The following ULK4 variants were observed in gnomAD, a reference collection of about 807,000 sequenced individuals.
ULK4 encodes inactive serine/threonine-protein kinase ULK4.
Under a neutral mutation model 160.6 loss-of-function variants are expected in ULK4, and 133 were observed. The ratio of observed to expected loss-of-function variants is 0.83; its 90% confidence interval spans 0.72 to 0.96. The LOEUF (loss-of-function observed/expected upper bound fraction) is 0.96, where lower values mean the gene tolerates loss of function less well. Among genes scored for constraint, ULK4 ranks in the 40% least tolerant of loss-of-function variants. The pLI, the probability that ULK4 is intolerant of heterozygous loss-of-function variation, is 0.00. For synonymous variants in ULK4, 534 were observed against 539.8 expected (o/e 0.99, Z 0.15); for missense variants, 1,580 against 1,499.5 (o/e 1.05, Z -0.89).
intron 32 of ULK4, among the ~76,000 whole-genome samples, chr3:41,543,893 C>T (rs573458854): frequency 1.8e-3 from 277 of 152,242 alleles, no homozygotes; most frequent in Non-Finnish European, 2.7e-3. Context: ...ATTTCTGTCT[C>T]TTTATATTAT....
At chr3:41,553,049 T>C (rs760304732) in intron 32 of ULK4, among the ~76,000 whole-genome samples, 5 of 152,082 alleles carry the variant, frequency 3.3e-5, no homozygotes, top group Non-Finnish European at 7.4e-5. Context: ...TGGATAGTTA[T>C]ATGCAGAAGA....
intron 34 of ULK4, among the ~76,000 whole-genome samples, chr3:41,435,435 T>G (rs9810649): frequency 1.3e-5 from 2 of 151,744 alleles, no homozygotes; most frequent in African/African-American, 4.9e-5. Context: ...TAACTATATA[T>G]CTGTTTCTAG....
chr3:41,469,625 A>AAAAAAAAAAAAAAC (rs1559625851), intron 32 of ULK4, among the ~76,000 whole-genome samples: 1 of 148,530 alleles, frequency 6.7e-6, no homozygotes, highest in Non-Finnish European at 1.5e-5. Context: ...AAAAAAAAAA[A>AAAAAAAAAAAAAAC]AACACCTTAA....
chr3:41,293,601 G>A (rs151010462), intron 35 of ULK4, among the ~76,000 whole-genome samples: 71 of 152,252 alleles, frequency 4.7e-4, no homozygotes, highest in African/African-American at 1.7e-3. Context: ...GATACCCTGG[G>A]TTGAAATCCT....
At position 41,452,697 on chromosome 3, in the gene ULK4, A is replaced by G. The variant is rs1248482604; in HGVS notation, c.3492+2800T>C. Reference sequence around the variant, plus strand: ...ATTTTTGTCCATTTATGTGTTTGTCATAAATGGACAAAAAGGTTATCATCC... The same window carrying G: ...ATTTTTGTCCATTTATGTGTTTGTCGTAAATGGACAAAAAGGTTATCATCC... On this transcript the variant is annotated intron_variant, in intron 34 of 36. Coordinates refer to ENST00000301831, the MANE Select transcript of ULK4 (RefSeq NM_017886.4). 2.0e-5 allele frequency among the ~76,000 whole-genome samples: 3 copies of G among 152,176 alleles called. No individual in the cohort carries two copies. In the South Asian group the frequency reaches 6.2e-4, roughly 31 times the overall value.
intron 35 of ULK4, among the ~76,000 whole-genome samples, chr3:41,337,462 T>C (rs945640258): frequency 4.6e-5 from 7 of 151,962 alleles, no homozygotes; most frequent in African/African-American, 1.5e-4. Context: ...GACTGGTAGC[T>C]GAGGGGCACA....
intron 32 of ULK4, among the ~76,000 whole-genome samples, chr3:41,491,555 T>C (rs1026324843): frequency 1.3e-5 from 2 of 152,056 alleles, no homozygotes; most frequent in Admixed American, 6.6e-5. Flanking sequence ...AGATGAAATA[T>C]TCAGTTAACA....
chr3:41,469,620 A>C (rs1264790337), intron 32 of ULK4, among the ~76,000 whole-genome samples: 1 of 148,666 alleles, frequency 6.7e-6, no homozygotes, highest in African/African-American at 2.5e-5. Flanking sequence ...AAAAAAAAAA[A>C]AAAAAAACAC....
chr3:41,925,768 A>G (rs1209918600), intron 5 of ULK4, among the ~76,000 whole-genome samples: 2 of 152,140 alleles, frequency 1.3e-5, no homozygotes, highest in Non-Finnish European at 2.9e-5. Flanking sequence ...TTACCCTCAC[A>G]GCATAAACAA....
rs762720463 is a variant in ULK4, at chr3:41,754,427, G to A, written c.2255C>T (p.Ala752Val). 16 of 1,613,658 alleles carry A rather than the reference G, an allele frequency of 9.9e-6. No individual in the cohort carries two copies. The highest frequency in any genetic ancestry group is 1.4e-5 in the Non-Finnish European group (16 of 1,179,866). ...CAAAATATATAGAAGAACCAGGAAG[G>A]CTTTTGCTCTAATGCATGTTGAGGG... Reference protein sequence around the residue: ...DSPSTCIRAKAFLVLLYILIY... With the variant: ...DSPSTCIRAKVFLVLLYILIY... The change falls in exon 22 of 37, where the codon GCC becomes GTC. Residue 752 changes from alanine (A) to valine (V), a missense_variant. Ala to Val is a moderately conservative substitution (Grantham distance 64, BLOSUM62 0). Coordinates refer to ENST00000301831, the MANE Select transcript of ULK4 (RefSeq NM_017886.4).
chr3:41,510,228 G>C (rs192860717), intron 32 of ULK4, among the ~76,000 whole-genome samples: 8 of 152,218 alleles, frequency 5.3e-5, no homozygotes, highest in Non-Finnish European at 8.8e-5. Context: ...AGTTTAAAAA[G>C]ACAAAGAAGG....
intron 34 of ULK4, among the ~76,000 whole-genome samples, chr3:41,403,313 T>G (rs1411839724): frequency 6.6e-6 from 1 of 152,190 alleles, no homozygotes; most frequent in Non-Finnish European, 1.5e-5. Context: ...CAAGTGTTCA[T>G]GTTGGTTGAG....
chr3:41,762,740 G>A (rs2039030324), intron 21 of ULK4, among the ~76,000 whole-genome samples: 1 of 142,478 alleles, frequency 7.0e-6, no homozygotes, highest in African/African-American at 2.6e-5. Flanking sequence ...TCGGCTCACT[G>A]CAAGCTCCGC....
At chr3:41,320,087 T>C (rs574896728) in intron 35 of ULK4, among the ~76,000 whole-genome samples, 47 of 152,312 alleles carry the variant, frequency 3.1e-4, no homozygotes, top group Non-Finnish European at 4.0e-4. Flanking sequence ...CTACACATGA[T>C]TGGAGAATCT....
At chr3:41,885,729 C>T (rs1443049245) in intron 16 of ULK4, among the ~76,000 whole-genome samples, 1 of 151,736 alleles carries the variant, frequency 6.6e-6, no homozygotes, top group African/African-American at 2.4e-5. Flanking sequence ...GTCACCCAAG[C>T]CAGAGTGCAG....
chr3:41,918,763 A>G (rs533294516), intron 6 of ULK4, among the ~76,000 whole-genome samples: 257 of 151,880 alleles, frequency 1.7e-3, no homozygotes, highest in Middle Eastern at 0.014. Flanking sequence ...TGCCACGCCC[A>G]GCTAATTTTT....
At chr3:41,493,667 T>C (rs76545809) in intron 32 of ULK4, among the ~76,000 whole-genome samples, 18,344 of 147,586 alleles carry the variant, frequency 0.12, 1,432 homozygotes, top group Admixed American at 0.18. Context: ...ATCAACAAAA[T>C]TGATAGACTG....
intron 32 of ULK4, among the ~76,000 whole-genome samples, chr3:41,551,743 A>T (rs2087076333): frequency 6.6e-6 from 1 of 152,032 alleles, no homozygotes; most frequent in Non-Finnish European, 1.5e-5. Context: ...AGAAATAAAA[A>T]GAAGATAATT....
intron 35 of ULK4, among the ~76,000 whole-genome samples, chr3:41,314,331 G>C (rs932423862): frequency 1.3e-5 from 2 of 152,114 alleles, no homozygotes; most frequent in Admixed American, 1.3e-4. Flanking sequence ...TACCCAACTG[G>C]TAATTTTTCA....
Sources: gnomAD v4.1 joint callset for allele counts (sites outside exome capture counted in the v4.1 genomes callset) on GRCh38, gnomAD v4.1.1 for gene constraint, MANE v1.5 for transcripts, NCBI Gene and HGNC (gene_info 2026-07-23, HGNC 2026-07-21) for gene names.